Variants in PDE4D observed in about 807,000 individuals in gnomAD.
PDE4D encodes the protein 3',5'-cyclic-AMP phosphodiesterase 4D.
In PDE4D, 24 loss-of-function variants were observed where a neutral mutation model predicts 87.4. The ratio of observed to expected loss-of-function variants is 0.27; its 90% CI spans 0.20 to 0.39. The LOEUF is 0.39. Ranked by LOEUF, PDE4D falls within the 10% of genes least tolerant of loss-of-function variation. The pLI is 1.00. For missense variants in PDE4D, 714 were observed against 1,041.0 expected (o/e 0.69, Z 4.32); for synonymous variants, 384 against 383.2 (o/e 1.00, Z -0.02).
intron 3 of PDE4D, among the ~76,000 whole-genome samples, chr5:59,931,924 A>C (rs899157000): frequency 5.3e-5 from 8 of 151,974 alleles, no homozygotes; most frequent in Admixed American, 2.6e-4. Context: ...GATGGTCTTG[A>C]TCTCCTGACC....
intron 1 of PDE4D, among the ~76,000 whole-genome samples, chr5:60,225,738 A>G (rs1353748353): frequency 6.6e-6 from 1 of 152,044 alleles, no homozygotes; most frequent in Non-Finnish European, 1.5e-5. Context: ...GGTACCTAAC[A>G]CTCTACTAAG....
At chr5:60,174,696 G>A (rs1399064522) in intron 2 of PDE4D, among the ~76,000 whole-genome samples, 1 of 152,024 alleles carries the variant, frequency 6.6e-6, no homozygotes, top group Non-Finnish European at 1.5e-5. Context: ...GGGTTACTGG[G>A]TTTTGTTTTT....
chr5:59,824,562 A>G (rs1222646036), intron 1 of PDE4D, among the ~76,000 whole-genome samples: 1 of 152,242 alleles, frequency 6.6e-6, no homozygotes, highest in Non-Finnish European at 1.5e-5. Context: ...TTAAGTAAAG[A>G]TTGAGTATCT....
At chr5:59,242,600 C>T (rs968526466) in intron 1 of PDE4D, among the ~76,000 whole-genome samples, 2 of 152,180 alleles carry the variant, frequency 1.3e-5, no homozygotes, top group Non-Finnish European at 2.9e-5. Context: ...TGTACATTTA[C>T]ATTTTCCAAT....
rs140298004 is a variant in PDE4D at position 60,282,208 on chromosome 5, C to CATATATATATATATAT, written c.-89-96537_-89-96522dup. Among the ~76,000 whole-genome samples, 713 of 128,252 alleles carry CATATATATATATATAT rather than the reference C, an allele frequency of 5.6e-3. 8 individuals are homozygous for CATATATATATATATAT. Among genetic ancestry groups the CATATATATATATATAT allele is most frequent in the South Asian group, 0.01 (41 of 3,984 alleles). 84.1% of individuals were successfully genotyped at this position (128,252 alleles called of 152,430 possible). ...CTTTAAAGAACAAGAGAGAAATAAA[C>CATATATATATATATAT]ATATATATATATATATATATATATA... On this transcript the variant is annotated intron_variant, in intron 1 of 16. Transcript: ENST00000502484.
intron 1 of PDE4D, among the ~76,000 whole-genome samples, chr5:60,449,660 A>C (rs1447370844): frequency 8.9e-6 from 1 of 112,252 alleles, no homozygotes; most frequent in African/African-American, 3.5e-5. Context: ...AAATAAAATA[A>C]AAAATAAATA....
At chr5:59,892,082 G>C (rs773220729) in intron 1 of PDE4D, among the ~76,000 whole-genome samples, 1 of 152,122 alleles carries the variant, frequency 6.6e-6, no homozygotes. Context: ...GTGCCTGTGT[G>C]GGGGAGGGGA....
intron 1 of PDE4D, among the ~76,000 whole-genome samples, chr5:59,792,430 G>GTT (rs1765906744): frequency 6.6e-6 from 1 of 151,838 alleles, no homozygotes; most frequent in Non-Finnish European, 1.5e-5. Context: ...GTGTGTGTGT[G>GTT]TGTGTGTGTT....
chr5:59,311,394 G>A (rs1013631456), intron 1 of PDE4D, among the ~76,000 whole-genome samples: 14 of 149,808 alleles, frequency 9.3e-5, no homozygotes, highest in Non-Finnish European at 1.6e-4. Context: ...CCAGCTCCTC[G>A]GAAGGCTGAG....
At position 59,545,196 on chromosome 5, in the gene PDE4D, C is replaced by T. The variant is rs142385467; in HGVS notation, c.456-329228G>A. Among the ~76,000 whole-genome samples the T allele has an allele frequency of 1.6e-3, 247 of 152,158 alleles. 2 individuals are homozygous for T. Among genetic ancestry groups the T allele is most frequent in the African/African-American group, 5.8e-3 (240 of 41,514 alleles). ...GTAACTTCTTTGAAGATGGGAACTCCATATTATTCATCTTTTCATCTTCAG... is the reference window on the plus strand; with the variant it reads ...GTAACTTCTTTGAAGATGGGAACTCTATATTATTCATCTTTTCATCTTCAG... On this transcript the variant is annotated intron_variant, in intron 1 of 14. Transcript: ENST00000340635.
At chr5:59,653,200 A>G (rs1743796284) in intron 1 of PDE4D, among the ~76,000 whole-genome samples, 2 of 111,718 alleles carry the variant, frequency 1.8e-5, no homozygotes, top group South Asian at 7.7e-4. Context: ...ATGTTAGCAA[A>G]AAAAAAAATT....
At chr5:59,486,721 C>T (rs918347170) in intron 1 of PDE4D, among the ~76,000 whole-genome samples, 16 of 152,060 alleles carry the variant, frequency 1.1e-4, no homozygotes, top group Non-Finnish European at 2.2e-4. Context: ...TGTTCTTAAC[C>T]ACCAGTGTAC....
At chr5:60,171,860 CTT>C (rs1474396220) in intron 2 of PDE4D, among the ~76,000 whole-genome samples, 7 of 151,858 alleles carry the variant, frequency 4.6e-5, no homozygotes, top group Admixed American at 2.6e-4. Flanking sequence ...CATATACTAA[CTT>C]TAAGGTTTTA....
At chr5:59,464,713 T>A (rs560438258) in intron 1 of PDE4D, among the ~76,000 whole-genome samples, 1 of 152,216 alleles carries the variant, frequency 6.6e-6, no homozygotes, top group African/African-American at 2.4e-5. Flanking sequence ...TTCCACCTAA[T>A]GAGAAACACC....
intron 1 of PDE4D, among the ~76,000 whole-genome samples, chr5:59,573,495 A>T (rs530080131): frequency 1.2e-4 from 18 of 152,172 alleles, no homozygotes; most frequent in African/African-American, 4.3e-4. Context: ...TATGGAGTAT[A>T]CCCGCAGTTC....
chr5:59,867,281 A>C (rs1266751463), intron 1 of PDE4D, among the ~76,000 whole-genome samples: 1 of 152,152 alleles, frequency 6.6e-6, no homozygotes, highest in East Asian at 1.9e-4. Flanking sequence ...AAATGAGGAC[A>C]CATTTTTGGA....
At chr5:59,576,534 T>A (rs899944659) in intron 1 of PDE4D, among the ~76,000 whole-genome samples, 1 of 152,168 alleles carries the variant, frequency 6.6e-6, no homozygotes, top group Non-Finnish European at 1.5e-5. Context: ...CACATAATTA[T>A]TTATTAAGAA....
chr5:60,267,863 A>C (rs1468562262), intron 1 of PDE4D, among the ~76,000 whole-genome samples: 1 of 152,204 alleles, frequency 6.6e-6, no homozygotes, highest in Non-Finnish European at 1.5e-5. Flanking sequence ...TGTCTGTGGC[A>C]AGATTTATCA....
chr5:59,989,561 A>C (rs1055610842), intron 2 of PDE4D, among the ~76,000 whole-genome samples: 1 of 152,122 alleles, frequency 6.6e-6, no homozygotes, highest in African/African-American at 2.4e-5. Context: ...CTGAGAGGGT[A>C]GTAAGAAAAA....
Sources: gnomAD v4.1 joint callset for allele counts (sites outside exome capture counted in the v4.1 genomes callset) on GRCh38, gnomAD v4.1.1 for gene constraint, MANE v1.5 for transcripts, NCBI Gene and HGNC (gene_info 2026-07-23, HGNC 2026-07-21) for gene names.